Variants in CMC2 observed in about 807,000 individuals in gnomAD.
The protein encoded by CMC2 is COX assembly mitochondrial protein 2 homolog.
In CMC2, 5 loss-of-function variants were observed where a neutral mutation model predicts 7.5. The observed-to-expected ratio is 0.66, with a 90% CI of 0.35 to 1.40. The LOEUF is 1.40. CMC2 is among the 40% of genes most tolerant of loss of function. CMC2 has a pLI of 0.04. For missense variants in CMC2, 115 were observed against 92.3 expected (o/e 1.25, Z -1.01); for synonymous variants, 37 against 31.4 (o/e 1.18, Z -0.60).
intron 3 of CMC2, 49 bp downstream of exon 3, chr16:80,981,757 T>C (rs748036151): frequency 8.2e-7 from 1 of 1,212,336 alleles, no homozygotes; most frequent in South Asian, 1.4e-5. Context: ...TATTCAAAAA[T>C]GTTCTGTTCT....
intron 1 of CMC2, among the ~76,000 whole-genome samples, chr16:81,002,598 G>A (rs927803455): frequency 3.3e-5 from 5 of 152,024 alleles, no homozygotes; most frequent in African/African-American, 4.8e-5. Context: ...TTCTTTAATT[G>A]ACAAATACCT....
chr16:80,994,630 A>G (rs1490138870), intron 2 of CMC2, among the ~76,000 whole-genome samples: 1 of 152,232 alleles, frequency 6.6e-6, no homozygotes, highest in Non-Finnish European at 1.5e-5. Flanking sequence ...AATACAATTT[A>G]AAACCAAAAG....
Position 80,971,564 on chromosome 16 carries a change from T to TTATATATATATATATATATA in CMC2, c.*4509_*4528dup, listed in dbSNP as rs34839018. ...CTATGGATACTGACATACATACATT[T>TTATATATATATATATATATA]TATATATATATATATATATATGTAT... On this transcript the variant is annotated 3_prime_UTR_variant, in exon 4 of 4. Coordinates refer to ENST00000219400, the MANE Select transcript of CMC2 (RefSeq NM_020188.5). 8.2e-6 allele frequency: 1 copy of TTATATATATATATATATATA among 121,244 alleles called. No individual in the cohort carries two copies. The highest frequency in any genetic ancestry group is 3.9e-5 in the African/African-American group (1 of 25,706). 7.5% of individuals were successfully genotyped at this position (121,244 alleles called of 1,614,324 possible).
intron 2 of CMC2, among the ~76,000 whole-genome samples, chr16:80,987,452 T>A (rs1967632395): frequency 6.6e-6 from 1 of 152,238 alleles, no homozygotes; most frequent in Non-Finnish European, 1.5e-5. Flanking sequence ...ATTATTTACA[T>A]ATTACTTTTA....
Position 80,968,752 on chromosome 16 carries a change from G to A in CMC2, c.*7341C>T, listed in dbSNP as rs1369888144. 1 of 152,146 alleles carries A rather than the reference G, an allele frequency of 6.6e-6. No individual in the cohort carries two copies. The highest frequency in any genetic ancestry group is 1.5e-5 in the Non-Finnish European group (1 of 68,042). The allele number at this position is 152,146 out of a possible 1,614,324, so 9.4% of individuals were successfully genotyped here. On this transcript the variant is annotated 3_prime_UTR_variant, in exon 4 of 4. Transcript: ENST00000219400. ...AGGTGTAGTTGAGCTCACAAGAAAGGAAAGAAAATCCTTGGGGGTTGAAAT... is the reference window on the plus strand; with the variant it reads ...AGGTGTAGTTGAGCTCACAAGAAAGAAAAGAAAATCCTTGGGGGTTGAAAT...
intron 2 of CMC2, chr16:80,982,633 TA>T (rs1442947216): frequency 1.4e-5 from 2 of 146,222 alleles, no homozygotes; most frequent in Non-Finnish European, 3.0e-5. Context: ...ACACAGAACA[TA>T]AATAGCATCA....
At chr16:80,992,740 C>G (rs906043964) in intron 2 of CMC2, among the ~76,000 whole-genome samples, 1 of 137,146 alleles carries the variant, frequency 7.3e-6, no homozygotes, top group Non-Finnish European at 1.5e-5. Flanking sequence ...GACAGGGTCT[C>G]ACTTTGTCAC....
At chr16:80,992,196 A>G (rs1968054398) in intron 2 of CMC2, among the ~76,000 whole-genome samples, 1 of 152,232 alleles carries the variant, frequency 6.6e-6, no homozygotes. Context: ...ATTTAAAAAT[A>G]AAAATTACAA....
At chr16:80,977,664 G>C (rs1912577726) in intron 3 of CMC2, among the ~76,000 whole-genome samples, 1 of 152,192 alleles carries the variant, frequency 6.6e-6, no homozygotes, top group Admixed American at 6.5e-5. Flanking sequence ...TCAAATATAA[G>C]GAGGTGGGCT....
chr16:80,993,603 T>A (rs1197983656), intron 2 of CMC2, among the ~76,000 whole-genome samples: 1 of 151,766 alleles, frequency 6.6e-6, no homozygotes, highest in Non-Finnish European at 1.5e-5. Flanking sequence ...GGGCTGGGAG[T>A]CAATGGAGTC....
intron 3 of CMC2, among the ~76,000 whole-genome samples, chr16:80,978,732 A>G (rs909488314): frequency 1.3e-5 from 2 of 152,050 alleles, no homozygotes; most frequent in East Asian, 3.9e-4. Flanking sequence ...AAAAGAATAA[A>G]AGGAGTGACA....
intron 3 of CMC2, among the ~76,000 whole-genome samples, chr16:80,976,519 C>T (rs1051451751): frequency 6.6e-6 from 1 of 152,198 alleles, no homozygotes; most frequent in African/African-American, 2.4e-5. Flanking sequence ...TGTCCATGTT[C>T]TCCAGGGGCT....
At chr16:80,991,214 CA>C (rs1211502194) in intron 2 of CMC2, among the ~76,000 whole-genome samples, 1 of 152,066 alleles carries the variant, frequency 6.6e-6, no homozygotes, top group Non-Finnish European at 1.5e-5. Context: ...AACAGAATTC[CA>C]CAAGATTATG....
rs1912053037 is a variant in CMC2, at chr16:80,973,227, A to G, written c.*2866T>C. The G allele has an allele frequency of 6.6e-6, 1 of 152,220 alleles. No homozygotes were observed. Among genetic ancestry groups the G allele is most frequent in the Admixed American group, 6.5e-5 (1 of 15,276 alleles). The allele number at this position is 152,220 out of a possible 1,614,324, so 9.4% of individuals were successfully genotyped here. A position where few individuals can be genotyped will look rare whatever the true frequency, so the allele number is the denominator to read the frequency against. ...GGGGCCGGCTTGGGATGAGTTCTAG[A>G]GGCCTGGCCCTTCCTTCTGCCTCAT... On this transcript the variant is annotated 3_prime_UTR_variant, in exon 4 of 4. Transcript: ENST00000219400.
At chr16:80,989,817 G>C (rs2549840) in intron 2 of CMC2, among the ~76,000 whole-genome samples, 1 of 152,030 alleles carries the variant, frequency 6.6e-6, no homozygotes, top group South Asian at 2.1e-4. Flanking sequence ...ATGACAGTAA[G>C]AAACCTGTCT....
At chr16:80,991,219 G>T (rs747753164) in intron 2 of CMC2, among the ~76,000 whole-genome samples, 1 of 152,104 alleles carries the variant, frequency 6.6e-6, no homozygotes, top group Non-Finnish European at 1.5e-5. Context: ...AATTCCACAA[G>T]ATTATGTAGA....
In CMC2 at chr16:80,981,896, G is replaced by A. The variant is rs771285500; in HGVS notation, c.82-19C>T. 54 of 1,543,794 alleles carry A rather than the reference G, an allele frequency of 3.5e-5. No homozygotes were observed. The highest frequency in any genetic ancestry group is 1.7e-4 in the Admixed American group (10 of 58,874). ...TGTTGTGCTAAAAGGAAGAAAAGGA[G>A]TAAAATATTTCATCCCATAATATGC... On this transcript the variant is annotated intron_variant, in intron 2 of 3. Coordinates refer to ENST00000219400, the MANE Select transcript of CMC2 (RefSeq NM_020188.5).
At chr16:80,997,253 A>G in intron 2 of CMC2, 61 bp downstream of exon 2, 1 of 911,714 alleles carries the variant, frequency 1.1e-6, no homozygotes, top group Admixed American at 1.7e-5. Flanking sequence ...ATAACATTTT[A>G]CATCAGTGGG....
intron 2 of CMC2, among the ~76,000 whole-genome samples, chr16:80,994,084 A>G (rs961443029): frequency 6.6e-6 from 1 of 152,196 alleles, no homozygotes; most frequent in African/African-American, 2.4e-5. Context: ...GGACCATGGT[A>G]AATCAGCAGG....
Sources: gnomAD v4.1 joint callset for allele counts (sites outside exome capture counted in the v4.1 genomes callset) on GRCh38, gnomAD v4.1.1 for gene constraint, MANE v1.5 for transcripts, NCBI Gene and HGNC (gene_info 2026-07-23, HGNC 2026-07-21) for gene names.